PSG2: variants seen among roughly 807,000 people sequenced by gnomAD.
PSG2 encodes pregnancy-specific beta-1-glycoprotein 2.
A neutral mutation model predicts 36.2 loss-of-function variants in PSG2; 49 were observed. The ratio of observed to expected loss-of-function variants is 1.35; its 90% CI spans 1.08 to 1.72. The LOEUF (loss-of-function observed/expected upper bound fraction) is 1.72, where lower values mean the gene tolerates loss of function less well. PSG2 is among the 40% of genes most tolerant of loss of function. The pLI is 0.00. For synonymous variants in PSG2, 261 were observed against 155.6 expected (o/e 1.68, Z -5.04); for missense variants, 605 against 407.2 (o/e 1.49, Z -4.18).
At chr19:43,067,142 T>C (rs1234934286) in intron 4 of PSG2, among the ~76,000 whole-genome samples, 3 of 151,582 alleles carry the variant, frequency 2.0e-5, no homozygotes, top group African/African-American at 4.9e-5. Flanking sequence ...GGAGGATTCC[T>C]CATCAGCCTT....
chr19:43,073,544 G>A (rs1444721910), intron 3 of PSG2, among the ~76,000 whole-genome samples: 1 of 151,740 alleles, frequency 6.6e-6, no homozygotes, highest in Non-Finnish European at 1.5e-5. Flanking sequence ...AATTTGGAGA[G>A]AAGTTTTTCA....
chr19:43,065,328 A>G (rs1967725522), intron 5 of PSG2, among the ~76,000 whole-genome samples: 1 of 151,588 alleles, frequency 6.6e-6, no homozygotes, highest in Non-Finnish European at 1.5e-5. Context: ...AAAAATGTAT[A>G]GTCTTATGTA....
intron 4 of PSG2, among the ~76,000 whole-genome samples, chr19:43,067,793 G>T (rs1042329204): frequency 6.6e-6 from 1 of 151,368 alleles, no homozygotes; most frequent in Non-Finnish European, 1.5e-5. Context: ...TATGAAGAAA[G>T]CACTGTCATT....
At chr19:43,075,264 C>T in intron 3 of PSG2, 90 bp downstream of exon 3, 1 of 1,610,836 alleles carries the variant, frequency 6.2e-7, no homozygotes, top group Non-Finnish European at 8.5e-7. Flanking sequence ...GGTCTCTGTA[C>T]TTGGACCTGA....
intron 2 of PSG2, among the ~76,000 whole-genome samples, chr19:43,076,129 G>A (rs1191776836): frequency 6.6e-6 from 1 of 151,676 alleles, no homozygotes; most frequent in African/African-American, 2.4e-5. Flanking sequence ...CCTGGCCTGG[G>A]ACTGGGTACT....
chr19:43,073,443 G>A (rs58150972), intron 3 of PSG2, among the ~76,000 whole-genome samples: 2,338 of 151,732 alleles, frequency 0.015, 96 homozygotes, highest in East Asian at 0.095. Context: ...GCGGACATTT[G>A]CAAAAGCAGA....
intron 4 of PSG2, among the ~76,000 whole-genome samples, chr19:43,067,266 C>G (rs574042013): frequency 6.6e-6 from 1 of 151,238 alleles, no homozygotes; most frequent in East Asian, 1.9e-4. Context: ...CATGCCTGCC[C>G]CACATTCCCT....
intron 4 of PSG2, among the ~76,000 whole-genome samples, chr19:43,067,496 C>T (rs1157849464): frequency 1.3e-5 from 2 of 151,244 alleles, no homozygotes; most frequent in African/African-American, 4.9e-5. Flanking sequence ...GGGGCACTTG[C>T]TATGTGCCAG....
chr19:43,074,545 G>T (rs1424728737), intron 3 of PSG2, among the ~76,000 whole-genome samples: 1 of 151,660 alleles, frequency 6.6e-6, no homozygotes, highest in Admixed American at 6.6e-5. Context: ...AGAGTGAGGG[G>T]ACAGGCAAAA....
chr19:43,078,237 G>C (rs1273708056), intron 2 of PSG2, among the ~76,000 whole-genome samples: 1 of 151,736 alleles, frequency 6.6e-6, no homozygotes, highest in African/African-American at 2.4e-5. Context: ...AATGATAATA[G>C]TTCCTCCATA....
Position 43,075,427 on chromosome 19 carries a change from T to C in PSG2, c.636A>G (p.Ala212=), listed in dbSNP as rs780589097. ...LFLFGVTKYT[A]GPYECEIRNS... ...TCCGTATTTCACATTCATAGGGTCC[T>C]GCAGTATACTTTGTGACACCAAATA... Residue 212 remains alanine, a synonymous_variant, in exon 3 of 6, where the codon GCA becomes GCG. Coordinates refer to ENST00000406487, the MANE Select transcript of PSG2 (RefSeq NM_031246.4). 6.2e-7 allele frequency: 1 copy of C among 1,613,110 alleles called. No individual in the cohort carries two copies. The highest frequency in any genetic ancestry group is 1.3e-5 in the African/African-American group (1 of 74,474).
intron 4 of PSG2, among the ~76,000 whole-genome samples, chr19:43,071,319 T>C (rs1967812629): frequency 6.7e-6 from 1 of 149,754 alleles, no homozygotes; most frequent in Non-Finnish European, 1.5e-5. Flanking sequence ...CCTCAGATGT[T>C]CCTTGTAGCT....
In PSG2 at chr19:43,076,156, AG is replaced by A. The variant is rs375937547; in HGVS notation, c.431-525del. Among the ~76,000 whole-genome samples, 21 of 151,802 alleles carry A rather than the reference AG, an allele frequency of 1.4e-4. No homozygotes were observed. The East Asian group carries it at 3.9e-3, about 28-fold the overall frequency. ...CTGGGTACTTCAGCATAAATAACAC[AG>A]GGGAGACCAGAGTCAAGCCTGGAGG... On this transcript the variant is annotated intron_variant, in intron 2 of 5. Transcript: ENST00000406487.
intron 4 of PSG2, among the ~76,000 whole-genome samples, chr19:43,068,297 G>C (rs893274230): frequency 4.6e-5 from 7 of 151,022 alleles, no homozygotes; most frequent in Admixed American, 1.3e-4. Context: ...CAATTAGCTG[G>C]GCATGTTGAC....
chr19:43,079,571 G>A (rs1967942593), intron 2 of PSG2, among the ~76,000 whole-genome samples: 1 of 151,630 alleles, frequency 6.6e-6, no homozygotes, highest in Non-Finnish European at 1.5e-5. Context: ...AGTGGGGAAA[G>A]AAAACAAGGT....
intron 4 of PSG2, 55 bp from the exon 5 acceptor site, chr19:43,066,655 G>A (rs974019830): frequency 1.3e-6 from 2 of 1,495,358 alleles, no homozygotes; most frequent in South Asian, 1.1e-5. Flanking sequence ...TTTACATGGG[G>A]GAGCATCAGG....
At chr19:43,067,124 G>T (rs1211247652) in intron 4 of PSG2, among the ~76,000 whole-genome samples, 1 of 151,428 alleles carries the variant, frequency 6.6e-6, no homozygotes, top group Non-Finnish European at 1.5e-5. Context: ...TCTAATGGGT[G>T]ACTGGTTGGA....
At chr19:43,070,824 C>T (rs1967804446) in intron 4 of PSG2, among the ~76,000 whole-genome samples, 1 of 151,546 alleles carries the variant, frequency 6.6e-6, no homozygotes, top group African/African-American at 2.4e-5. Flanking sequence ...TAATGGTAAG[C>T]CTTATATTAG....
chr19:43,080,632 C>A (rs1967957969), intron 2 of PSG2, among the ~76,000 whole-genome samples: 1 of 151,606 alleles, frequency 6.6e-6, no homozygotes, highest in Non-Finnish European at 1.5e-5. Context: ...TGATCTCCTC[C>A]TGCTGAGTCC....
Sources: allele counts gnomAD v4.1 joint callset (sites outside exome capture counted in the v4.1 genomes callset), GRCh38; gene constraint gnomAD v4.1.1; transcripts MANE v1.5; gene names NCBI Gene and HGNC (gene_info 2026-07-23, HGNC 2026-07-21).